ADCK1: variants seen among roughly 807,000 people sequenced by gnomAD.
ADCK1 encodes aarF domain-containing protein kinase 1.
Under a neutral mutation model 52.3 loss-of-function variants are expected in ADCK1, and 41 were observed. The observed-to-expected ratio is 0.78, with a 90% CI of 0.61 to 1.02. The LOEUF (loss-of-function observed/expected upper bound fraction) is 1.02. Among genes scored for constraint, ADCK1 ranks in the 50% least tolerant of loss-of-function variants. The probability of loss-of-function intolerance (pLI) is 0.00; values close to 1 mark genes in which losing one functional copy is unlikely to be tolerated. For missense variants in ADCK1, 658 were observed against 679.5 expected (o/e 0.97, Z 0.35); for synonymous variants, 250 against 274.6 (o/e 0.91, Z 0.89).
chr14:77,926,519 C>T (rs932731299), intron 9 of ADCK1, among the ~76,000 whole-genome samples: 5 of 152,144 alleles, frequency 3.3e-5, no homozygotes, highest in East Asian at 1.9e-4. Context: ...CTCGCTCTGT[C>T]GCCCAGGCTG....
intron 4 of ADCK1, among the ~76,000 whole-genome samples, chr14:77,882,437 G>T (rs73313131): frequency 0.013 from 1,986 of 152,338 alleles, 38 homozygotes; most frequent in African/African-American, 0.045. Context: ...CAGACATTTC[G>T]GTGTTTGTGA....
intron 1 of ADCK1, among the ~76,000 whole-genome samples, chr14:77,816,198 AG>A (rs2081446229): frequency 6.6e-6 from 1 of 152,094 alleles, no homozygotes; most frequent in African/African-American, 2.4e-5. Context: ...TAGGAAATGA[AG>A]GTTCCAAAGG....
intron 5 of ADCK1, among the ~76,000 whole-genome samples, chr14:77,898,119 G>T (rs942899064): frequency 1.3e-5 from 2 of 152,180 alleles, no homozygotes; most frequent in Non-Finnish European, 1.5e-5. Flanking sequence ...AATTAGCTGG[G>T]CATGGTGATG....
At position 77,853,012 on chromosome 14, in the gene ADCK1, A is replaced by T. The variant is rs1311618437; in HGVS notation, c.220-6064A>T. Among the ~76,000 whole-genome samples the T allele has an allele frequency of 4.9e-5, 7 of 142,520 alleles. No individual in the cohort carries two copies. The Admixed American group carries it at 5.0e-4, about 10-fold the overall frequency. The allele number at this position is 142,520 out of a possible 152,430, so 93.5% of individuals were successfully genotyped here. On this transcript the variant is annotated intron_variant, in intron 3 of 10. Coordinates refer to ENST00000238561, the MANE Select transcript of ADCK1 (RefSeq NM_020421.4). The stretch of plus-strand genomic sequence containing the variant: ...AACCCATCGTCCCCCTTGGCCTCCC[A>T]AAGTGCTGGGATTACAGGTGTGAGC...
rs776632140 is a variant in ADCK1 at position 77,925,909 on chromosome 14, C to T, written c.1154C>T (p.Ser385Leu). The stretch of plus-strand genomic sequence containing the variant: ...TTTGCCTGCATGCTGACGGCGCGAT[C>T]GTGGGACTCGGTCAACAGAGGCATC... ...PLFACMLTAR[S>L]WDSVNRGISQ... The change falls in exon 9 of 11, where the codon TCG (serine) becomes TTG (leucine). Residue 385 changes from serine (S) to leucine (L), a missense_variant. Physicochemically the swap from Ser to Leu is moderately radical, Grantham distance 145. Transcript: ENST00000238561. 1.2e-5 allele frequency: 19 copies of T among 1,614,080 alleles called. No homozygotes were observed. The highest frequency in any genetic ancestry group is 1.4e-5 in the Non-Finnish European group (16 of 1,180,050).
At chr14:77,908,576 C>T (rs1595069676) in intron 7 of ADCK1, among the ~76,000 whole-genome samples, 1 of 152,146 alleles carries the variant, frequency 6.6e-6, no homozygotes, top group Admixed American at 6.5e-5. Flanking sequence ...CCTAGACTGG[C>T]GTGCAGTGGC....
intron 4 of ADCK1, among the ~76,000 whole-genome samples, chr14:77,886,102 G>A (rs1247086295): frequency 6.6e-6 from 1 of 152,260 alleles, no homozygotes; most frequent in African/African-American, 2.4e-5. Flanking sequence ...GAGTGGCATT[G>A]CAGGTGATGA....
intron 3 of ADCK1, chr14:77,827,980 C>G: frequency 3.3e-6 from 1 of 299,060 alleles, no homozygotes; most frequent in South Asian, 2.6e-5. Flanking sequence ...AGGTGAGTGC[C>G]ACCATGCCCG....
chr14:77,890,294 A>C (rs1399687148), intron 5 of ADCK1, among the ~76,000 whole-genome samples: 1 of 152,166 alleles, frequency 6.6e-6, no homozygotes, highest in African/African-American at 2.4e-5. Flanking sequence ...TGGGAGCTTA[A>C]CTGGGGCTGT....
chr14:77,859,742 C>T (rs2082503052), intron 4 of ADCK1, among the ~76,000 whole-genome samples: 1 of 152,194 alleles, frequency 6.6e-6, no homozygotes, highest in Non-Finnish European at 1.5e-5. Context: ...CTTTCCTTAT[C>T]TATAGCCCAC....
At chr14:77,874,973 T>A (rs2082866564) in intron 4 of ADCK1, among the ~76,000 whole-genome samples, 1 of 151,970 alleles carries the variant, frequency 6.6e-6, no homozygotes, top group Admixed American at 6.5e-5. Context: ...AGAGCCTGGG[T>A]CTGTCCAGGG....
At chr14:77,918,324 C>T (rs2083974715) in intron 7 of ADCK1, among the ~76,000 whole-genome samples, 1 of 152,204 alleles carries the variant, frequency 6.6e-6, no homozygotes, top group Admixed American at 6.5e-5. Context: ...ACTTAGTACC[C>T]TGTCCTCAGC....
chr14:77,824,055 C>T (rs564810871), intron 3 of ADCK1, among the ~76,000 whole-genome samples: 11 of 152,104 alleles, frequency 7.2e-5, no homozygotes, highest in South Asian at 2.1e-4. Flanking sequence ...CAGGCCACCA[C>T]GCCTGGCTAA....
chr14:77,800,721 G>A (rs2081091545), intron 1 of ADCK1, among the ~76,000 whole-genome samples: 1 of 152,254 alleles, frequency 6.6e-6, no homozygotes, highest in Non-Finnish European at 1.5e-5. Context: ...TGTGCTAACA[G>A]CAGCCAGTGT....
intron 7 of ADCK1, among the ~76,000 whole-genome samples, chr14:77,912,783 C>T (rs2140269493): frequency 6.6e-6 from 1 of 152,192 alleles, no homozygotes; most frequent in East Asian, 1.9e-4. Context: ...TCCAGAGCCC[C>T]CAACCACTTG....
At chr14:77,930,931 C>G (rs1413970984) in intron 9 of ADCK1, among the ~76,000 whole-genome samples, 22 of 151,786 alleles carry the variant, frequency 1.4e-4, no homozygotes, top group Admixed American at 1.4e-3. Flanking sequence ...AACTTAAAGA[C>G]CAGGTAGGTC....
chr14:77,822,265 C>T (rs1337943882), intron 2 of ADCK1, among the ~76,000 whole-genome samples, 170 bp from the exon 3 acceptor site: 2 of 152,166 alleles, frequency 1.3e-5, no homozygotes, highest in Admixed American at 1.3e-4. Context: ...TCCTGAATAA[C>T]AGGAGGAAGC....
At chr14:77,880,506 A>G (rs1160861594) in intron 4 of ADCK1, among the ~76,000 whole-genome samples, 1 of 152,220 alleles carries the variant, frequency 6.6e-6, no homozygotes, top group African/African-American at 2.4e-5. Context: ...TGTTATTGCC[A>G]TTATTATTTT....
intron 3 of ADCK1, among the ~76,000 whole-genome samples, chr14:77,823,723 C>T (rs1330964165): frequency 2.6e-5 from 4 of 151,890 alleles, no homozygotes; most frequent in Non-Finnish European, 4.4e-5. Flanking sequence ...CATATGCACA[C>T]CATCACACTT....
Sources: gnomAD v4.1 joint callset for allele counts (sites outside exome capture counted in the v4.1 genomes callset) on GRCh38, gnomAD v4.1.1 for gene constraint, MANE v1.5 for transcripts, NCBI Gene and HGNC (gene_info 2026-07-23, HGNC 2026-07-21) for gene names.